The following DIAPH3 variants were observed in gnomAD, a reference collection of about 807,000 sequenced individuals.
DIAPH3 encodes protein diaphanous homolog 3.
In DIAPH3, 117 loss-of-function variants were observed where a neutral mutation model predicts 144.3. That is an observed-to-expected ratio of 0.81 (90% CI 0.70 to 0.95). DIAPH3 has a LOEUF of 0.95. DIAPH3 is among the 40% of genes least tolerant of loss of function. The probability of loss-of-function intolerance (pLI) is 0.00; values close to 1 mark genes in which losing one functional copy is unlikely to be tolerated. For missense variants in DIAPH3, 1,421 were observed against 1,412.7 expected (o/e 1.01, Z -0.09); for synonymous variants, 519 against 488.9 (o/e 1.06, Z -0.81).
intron 5 of DIAPH3, among the ~76,000 whole-genome samples, chr13:60,038,520 A>G (rs571439795): frequency 2.2e-4 from 34 of 152,300 alleles, no homozygotes; most frequent in Non-Finnish European, 3.7e-4. Context: ...AACGACACTT[A>G]TTAAATGGAA....
In DIAPH3 at chr13:60,016,128, C is replaced by T; in HGVS notation, c.644G>A (p.Gly215Glu). The change falls in exon 6 of 28, where the codon GGA becomes GAA. Residue 215 changes from glycine (G) to glutamate (E), a missense_variant. Physicochemically the swap from Gly to Glu is moderately conservative, Grantham distance 98. Coordinates refer to ENST00000400324, the MANE Select transcript of DIAPH3 (RefSeq NM_001042517.2). ...TAATAATAATCCAAGCCCTTCATGT[C>T]CAAAGCTTTCCACCCAACTGAAAAA... ...SNPVSWVESF[G>E]HEGLGLLLDI... 6.2e-7 allele frequency: 1 copy of T among 1,613,714 alleles called. No individual in the cohort carries two copies.
intron 27 of DIAPH3, among the ~76,000 whole-genome samples, chr13:59,741,502 A>G (rs900590706): frequency 1.3e-5 from 2 of 152,082 alleles, no homozygotes; most frequent in Admixed American, 1.3e-4. Context: ...CATGCCTGTG[A>G]TCCTAGCACT....
chr13:59,960,914 G>C (rs1356129507), intron 17 of DIAPH3, among the ~76,000 whole-genome samples: 1 of 151,974 alleles, frequency 6.6e-6, no homozygotes, highest in Non-Finnish European at 1.5e-5. Flanking sequence ...ATTTATTCCT[G>C]ATTCAACAAA....
chr13:60,093,510 A>G, intron 4 of DIAPH3, 118 bp downstream of exon 4: 1 of 691,356 alleles, frequency 1.4e-6, no homozygotes, highest in Non-Finnish European at 2.6e-6. Context: ...TTAATTATAC[A>G]TTCAGAAGCC....
intron 20 of DIAPH3, among the ~76,000 whole-genome samples, chr13:59,880,436 T>C (rs749522529): frequency 2.5e-4 from 38 of 151,912 alleles, no homozygotes; most frequent in Non-Finnish European, 4.7e-4. Context: ...CAGTGACAGA[T>C]TAAAATAGGG....
chr13:59,865,747 C>T (rs980888347), intron 21 of DIAPH3, among the ~76,000 whole-genome samples: 1 of 151,880 alleles, frequency 6.6e-6, no homozygotes, highest in Admixed American at 6.6e-5. Context: ...AGTTACAGTG[C>T]AAGGTTTGGG....
At chr13:59,895,086 A>C (rs1005010506) in intron 20 of DIAPH3, among the ~76,000 whole-genome samples, 12 of 152,208 alleles carry the variant, frequency 7.9e-5, no homozygotes, top group Non-Finnish European at 1.8e-4. Context: ...CTAAGTTTTG[A>C]CTATTTAATG....
chr13:60,048,844 C>T (rs529555615), intron 4 of DIAPH3, among the ~76,000 whole-genome samples: 1 of 103,812 alleles, frequency 9.6e-6, no homozygotes, highest in Admixed American at 1.1e-4. Flanking sequence ...AACTCTTCTA[C>T]ACTACTGGTG....
intron 7 of DIAPH3, among the ~76,000 whole-genome samples, chr13:60,014,992 T>G (rs908063973): frequency 6.6e-6 from 1 of 151,728 alleles, no homozygotes; most frequent in African/African-American, 2.4e-5. Context: ...TTGTTTTGTT[T>G]TGTTTTGTTT....
At chr13:59,722,675 T>C (rs1194660210) in intron 27 of DIAPH3, among the ~76,000 whole-genome samples, 1 of 152,196 alleles carries the variant, frequency 6.6e-6, no homozygotes. Context: ...TAACAGGCAC[T>C]GCAAGGTTCT....
chr13:60,138,765 G>GAGA (rs1594762041), intron 1 of DIAPH3, among the ~76,000 whole-genome samples: 3 of 146,018 alleles, frequency 2.1e-5, no homozygotes, highest in Non-Finnish European at 4.5e-5. Context: ...GAAGGAGAAG[G>GAGA]AGAAGGAGAA....
intron 19 of DIAPH3, among the ~76,000 whole-genome samples, 172 bp from the exon 20 acceptor site, chr13:59,912,008 T>A (rs1720693741): frequency 6.6e-6 from 1 of 152,130 alleles, no homozygotes; most frequent in African/African-American, 2.4e-5. Context: ...TTGAAAACAG[T>A]CAATTTTCCA....
At chr13:59,822,502 G>A (rs1024405620) in intron 24 of DIAPH3, among the ~76,000 whole-genome samples, 8 of 151,934 alleles carry the variant, frequency 5.3e-5, no homozygotes, top group Non-Finnish European at 1.2e-4. Context: ...GTGCAGTGGT[G>A]CGATCTCGGC....
chr13:60,047,428 C>G (rs532299654), intron 4 of DIAPH3, among the ~76,000 whole-genome samples: 4 of 152,156 alleles, frequency 2.6e-5, no homozygotes, highest in Non-Finnish European at 5.9e-5. Context: ...GGAGCTTACA[C>G]TATCTGATTT....
At chr13:60,141,447 G>A (rs943598397) in intron 1 of DIAPH3, among the ~76,000 whole-genome samples, 1 of 152,084 alleles carries the variant, frequency 6.6e-6, no homozygotes, top group Non-Finnish European at 1.5e-5. Context: ...TCATAATAAG[G>A]TATTCAATGG....
intron 27 of DIAPH3, among the ~76,000 whole-genome samples, chr13:59,736,737 T>A (rs1376148308): frequency 2.0e-5 from 3 of 152,150 alleles, no homozygotes; most frequent in East Asian, 3.8e-4. Context: ...CTTGGAAGCA[T>A]CACGCTAGCC....
intron 7 of DIAPH3, chr13:60,013,161 A>G (rs910605934): frequency 6.1e-6 from 6 of 985,298 alleles, no homozygotes; most frequent in Non-Finnish European, 7.2e-6. Context: ...CCCACTCCGG[A>G]CAATATGGTA....
At chr13:59,718,921 G>GC (rs146791470) in intron 27 of DIAPH3, among the ~76,000 whole-genome samples, 60 of 150,952 alleles carry the variant, frequency 4.0e-4, no homozygotes, top group Middle Eastern at 3.4e-3. Context: ...TCAAAATGTA[G>GC]CCCCCCCCAC....
chr13:60,040,560 T>C (rs983146394), intron 5 of DIAPH3, among the ~76,000 whole-genome samples: 2 of 152,186 alleles, frequency 1.3e-5, no homozygotes, highest in Admixed American at 6.5e-5. Context: ...TGTTTTCTTT[T>C]GTTAGCACAG....
Sources: allele counts gnomAD v4.1 joint callset (sites outside exome capture counted in the v4.1 genomes callset), GRCh38; gene constraint gnomAD v4.1.1; transcripts MANE v1.5; gene names NCBI Gene and HGNC (gene_info 2026-07-23, HGNC 2026-07-21).